Variants in CDH7 observed in about 807,000 individuals in gnomAD.
The protein encoded by CDH7 is cadherin 7, also known as cadherin-7.
CDH7 carries 25 observed loss-of-function variants against 71.8 expected under a neutral mutation model. The ratio of observed to expected loss-of-function variants is 0.35; its 90% CI spans 0.25 to 0.49. The LOEUF (loss-of-function observed/expected upper bound fraction) is 0.49. CDH7 is among the 20% of genes least tolerant of loss of function. The pLI is 0.99. For synonymous variants in CDH7, 381 were observed against 363.8 expected (o/e 1.05, Z -0.54); for missense variants, 862 against 974.6 (o/e 0.88, Z 1.54).
At chr18:65,763,593 G>GT (rs370779958) in intron 2 of CDH7, among the ~76,000 whole-genome samples, 8,135 of 62,852 alleles carry the variant, frequency 0.13, 300 homozygotes, top group African/African-American at 0.27. Flanking sequence ...TTTGATAGGG[G>GT]GGTGTGTGTG....
intron 2 of CDH7, among the ~76,000 whole-genome samples, chr18:65,792,938 C>G (rs1304063443): frequency 2.6e-5 from 4 of 152,184 alleles, no homozygotes; most frequent in East Asian, 3.9e-4. Flanking sequence ...TGTCCCACCT[C>G]TGAGACCCTG....
chr18:65,871,627 AT>A (rs752174098), intron 11 of CDH7, among the ~76,000 whole-genome samples: 8 of 152,140 alleles, frequency 5.3e-5, no homozygotes, highest in African/African-American at 9.7e-5. Flanking sequence ...TGGTTTGGGT[AT>A]TTTCCTACTT....
rs1034259302 is a variant in CDH7, at chr18:65,777,479, C to T, written c.210+14427C>T. Among the ~76,000 whole-genome samples the T allele has an allele frequency of 1.3e-3, 191 of 151,946 alleles. 1 individual carries two copies. Among genetic ancestry groups the T allele is most frequent in the African/African-American group, 4.3e-3 (178 of 41,420 alleles). The stretch of plus-strand genomic sequence containing the variant: ...GGTGAAAAGTAAAACTCTCCAAACG[C>T]GAAGCAAATTTATCCACTCAAATGG... On this transcript the variant is annotated intron_variant, in intron 2 of 11. Coordinates refer to ENST00000397968, the MANE Select transcript of CDH7 (RefSeq NM_004361.5).
chr18:65,873,101 T>G (rs1276553991), intron 11 of CDH7, among the ~76,000 whole-genome samples: 4 of 152,160 alleles, frequency 2.6e-5, no homozygotes, highest in Admixed American at 6.5e-5. Flanking sequence ...AGGAAGTTTT[T>G]GGAAGGCTAA....
chr18:65,867,828 A>C lies in CDH7; in HGVS notation c.1864+4911A>C, dbSNP rs79880117. On this transcript the variant is annotated intron_variant, in intron 11 of 11. Transcript: ENST00000397968. ...AGCCCAGCTTCATAAACTCAGATTTAATAAGGTGTTTGTAGAAACTTGCTG... is the reference window on the plus strand; with the variant it reads ...AGCCCAGCTTCATAAACTCAGATTTCATAAGGTGTTTGTAGAAACTTGCTG... 6.6e-3 allele frequency among the ~76,000 whole-genome samples: 1,008 copies of C among 152,254 alleles called. 10 individuals are homozygous for C. The highest frequency in any genetic ancestry group is 0.021 in the African/African-American group (860 of 41,548).
intron 1 of CDH7, among the ~76,000 whole-genome samples, chr18:65,754,085 T>C (rs879531044): frequency 1.3e-5 from 2 of 152,220 alleles, no homozygotes; most frequent in African/African-American, 2.4e-5. Context: ...TTTTACCATT[T>C]TATTACATAA....
intron 6 of CDH7, among the ~76,000 whole-genome samples, chr18:65,828,381 TGA>T (rs1263588410): frequency 2.0e-5 from 3 of 152,156 alleles, no homozygotes; most frequent in Non-Finnish European, 2.9e-5. Context: ...GAGTTTTAAC[TGA>T]GTGAGTCCAC....
intron 2 of CDH7, among the ~76,000 whole-genome samples, chr18:65,784,808 A>G (rs1018196739): frequency 6.6e-6 from 1 of 152,186 alleles, no homozygotes; most frequent in Non-Finnish European, 1.5e-5. Context: ...CCTAACAAAT[A>G]TGTCGAGAAG....
chr18:65,822,015 A>T, intron 4 of CDH7, 66 bp from the exon 5 acceptor site: 1 of 1,217,382 alleles, frequency 8.2e-7, no homozygotes, highest in Non-Finnish European at 1.2e-6. Context: ...TACTTGTATC[A>T]GTATTCTTTG....
intron 5 of CDH7, among the ~76,000 whole-genome samples, chr18:65,824,428 A>C (rs906228068): frequency 6.6e-6 from 1 of 151,712 alleles, no homozygotes; most frequent in African/African-American, 2.4e-5. Flanking sequence ...TTTCCTCATC[A>C]TCTATTTCTG....
intron 2 of CDH7, among the ~76,000 whole-genome samples, chr18:65,795,106 G>T (rs1285184860): frequency 6.6e-6 from 1 of 152,102 alleles, no homozygotes; most frequent in Non-Finnish European, 1.5e-5. Flanking sequence ...AGAATGGATC[G>T]AGTGTGCCAG....
At chr18:65,865,043 C>T (rs9963536) in intron 11 of CDH7, among the ~76,000 whole-genome samples, 11,701 of 151,958 alleles carry the variant, frequency 0.077, 1,462 homozygotes, top group African/African-American at 0.27. Flanking sequence ...TAGATTATGC[C>T]GTAAAGGAAT....
rs911759407 is a variant in CDH7 at position 65,854,912 on chromosome 18, T to G, written c.1236-2904T>G. Among the ~76,000 whole-genome samples the G allele has an allele frequency of 1.7e-4, 15 of 86,576 alleles. No homozygotes were observed. In the East Asian group the frequency reaches 5.1e-3, roughly 29 times the overall value. The allele number at this position is 86,576 out of a possible 152,430, so 56.8% of individuals were successfully genotyped here. A position where few individuals can be genotyped will look rare whatever the true frequency, so the allele number is the denominator to read the frequency against. On this transcript the variant is annotated intron_variant, in intron 7 of 11. Transcript: ENST00000397968. Reference sequence around the variant, plus strand: ...TACATATACGTATGTATGTAGTATATGTGTACACATATATATATATACACA... The same window carrying G: ...TACATATACGTATGTATGTAGTATAGGTGTACACATATATATATATACACA...
At chr18:65,778,271 C>CAAAAA (rs148841669) in intron 2 of CDH7, among the ~76,000 whole-genome samples, 6 of 84,340 alleles carry the variant, frequency 7.1e-5, no homozygotes, top group South Asian at 3.6e-4. Flanking sequence ...GACTCTGTCT[C>CAAAAA]AAAAAAAAAA....
rs1374097233 is a variant in CDH7, at chr18:65,882,404, C to A, written c.*1510C>A. On this transcript the variant is annotated 3_prime_UTR_variant, in exon 12 of 12. Transcript: ENST00000397968. ...TTCCTTTCTCCTTTTAAAAATAATT[C>A]ATTGTTGGGTTCCTAATACATTTAC... 1.3e-5 allele frequency: 2 copies of A among 151,976 alleles called. No individual in the cohort carries two copies. Among genetic ancestry groups the A allele is most frequent in the Non-Finnish European group, 2.9e-5 (2 of 67,962 alleles). The allele number at this position is 151,976 out of a possible 1,614,324, so 9.4% of individuals were successfully genotyped here.
At chr18:65,818,426 G>A (rs3794958) in intron 4 of CDH7, among the ~76,000 whole-genome samples, 8,998 of 152,134 alleles carry the variant, frequency 0.059, 382 homozygotes, top group South Asian at 0.12. Flanking sequence ...AATGTGCATG[G>A]GGGAGTACTT....
chr18:65,817,994 C>T (rs1460442017), intron 4 of CDH7, among the ~76,000 whole-genome samples: 1 of 152,136 alleles, frequency 6.6e-6, no homozygotes, highest in Non-Finnish European at 1.5e-5. Flanking sequence ...GCATCAGTGT[C>T]TACATTTGCA....
intron 6 of CDH7, among the ~76,000 whole-genome samples, chr18:65,834,493 C>T (rs1415534205): frequency 6.6e-6 from 1 of 152,018 alleles, no homozygotes; most frequent in Non-Finnish European, 1.5e-5. Context: ...GTTAGCATGG[C>T]AAAGAAAGAC....
intron 4 of CDH7, among the ~76,000 whole-genome samples, chr18:65,819,371 C>T (rs1911836543): frequency 6.6e-6 from 1 of 152,202 alleles, no homozygotes; most frequent in Admixed American, 6.5e-5. Flanking sequence ...CCACAAAGAG[C>T]GGTACCATTT....
Sources: allele counts gnomAD v4.1 joint callset (sites outside exome capture counted in the v4.1 genomes callset), GRCh38; gene constraint gnomAD v4.1.1; transcripts MANE v1.5; gene names NCBI Gene and HGNC (gene_info 2026-07-23, HGNC 2026-07-21).